The following SNTG1 variants were observed in gnomAD, a reference collection of about 807,000 sequenced individuals.
SNTG1 encodes gamma-1-syntrophin.
In SNTG1, 39 loss-of-function variants were observed where a neutral mutation model predicts 74.7. The ratio of observed to expected loss-of-function variants is 0.52; its 90% CI spans 0.40 to 0.68. The LOEUF is 0.68. Among genes scored for constraint, SNTG1 ranks in the 30% least tolerant of loss-of-function variants. The pLI, the probability that SNTG1 is intolerant of heterozygous loss-of-function variation, is 0.00. For synonymous variants in SNTG1, 254 were observed against 217.1 expected (o/e 1.17, Z -1.49); for missense variants, 685 against 609.5 (o/e 1.12, Z -1.30).
Position 50,323,073 on chromosome 8 carries a change from A to C in SNTG1, c.-27-71139A>C, listed in dbSNP as rs898164719. ...GGAGGTTGCAAGATTGCACCACTGC[A>C]CTCCAGCCTGGGCAACAGAGCAAGA... On this transcript the variant is annotated intron_variant, in intron 2 of 18. Transcript: ENST00000642720. Among the ~76,000 whole-genome samples, 5 of 148,628 alleles carry C rather than the reference A, an allele frequency of 3.4e-5. No individual in the cohort carries two copies. The East Asian group carries it at 8.1e-4, about 24-fold the overall frequency.
intron 5 of SNTG1, among the ~76,000 whole-genome samples, chr8:50,447,959 C>T (rs1347624096): frequency 6.6e-6 from 1 of 152,204 alleles, no homozygotes; most frequent in East Asian, 1.9e-4. Flanking sequence ...GCATAATAGC[C>T]TTCCTTTATT....
intron 8 of SNTG1, among the ~76,000 whole-genome samples, chr8:50,457,707 C>A (rs544595814): frequency 6.6e-6 from 1 of 152,134 alleles, no homozygotes; most frequent in Non-Finnish European, 1.5e-5. Flanking sequence ...GCCAAAGCCG[C>A]CATCCAGCAA....
At chr8:50,083,018 C>T (rs1017578153) in intron 1 of SNTG1, among the ~76,000 whole-genome samples, 1 of 152,128 alleles carries the variant, frequency 6.6e-6, no homozygotes, top group Non-Finnish European at 1.5e-5. Flanking sequence ...GAAGTGAGTC[C>T]TTTCTGACAA....
At chr8:49,918,891 A>G (rs1351552113) in intron 1 of SNTG1, among the ~76,000 whole-genome samples, 1 of 152,190 alleles carries the variant, frequency 6.6e-6, no homozygotes, top group Non-Finnish European at 1.5e-5. Context: ...CTTAATCCAA[A>G]TAAGCAACTA....
chr8:50,751,977 C>T, intron 17 of SNTG1, 24 bp from the exon 18 acceptor site: 1 of 1,358,636 alleles, frequency 7.4e-7, no homozygotes, highest in African/African-American at 2.1e-5. Context: ...CACCGACTTA[C>T]ATTGTTTTTT....
intron 1 of SNTG1, among the ~76,000 whole-genome samples, chr8:49,980,758 A>G (rs1563426501): frequency 6.6e-6 from 1 of 152,094 alleles, no homozygotes; most frequent in Non-Finnish European, 1.5e-5. Context: ...GTTTTTACTG[A>G]AAAAGTAAAA....
intron 1 of SNTG1, among the ~76,000 whole-genome samples, chr8:50,064,066 G>T (rs896054665): frequency 6.6e-6 from 1 of 152,140 alleles, no homozygotes. Flanking sequence ...GGTGACAATC[G>T]TGGTACCAGC....
At chr8:49,997,468 T>C (rs1440949039) in intron 1 of SNTG1, among the ~76,000 whole-genome samples, 1 of 152,130 alleles carries the variant, frequency 6.6e-6, no homozygotes, top group African/African-American at 2.4e-5. Context: ...ACTTCCTGTA[T>C]CTAAATCCTT....
chr8:50,027,143 A>G (rs1488424139), intron 1 of SNTG1, among the ~76,000 whole-genome samples: 1 of 152,146 alleles, frequency 6.6e-6, no homozygotes, highest in East Asian at 1.9e-4. Flanking sequence ...AACAAGCAAA[A>G]GTGGGGGTGA....
intron 18 of SNTG1, among the ~76,000 whole-genome samples, chr8:50,785,224 C>T (rs1227590614): frequency 1.3e-5 from 2 of 151,468 alleles, no homozygotes; most frequent in Non-Finnish European, 3.0e-5. Flanking sequence ...AATACATAAA[C>T]AATTGAGAAA....
At chr8:50,026,143 C>T (rs911050394) in intron 1 of SNTG1, among the ~76,000 whole-genome samples, 29 of 152,144 alleles carry the variant, frequency 1.9e-4, no homozygotes, top group African/African-American at 4.8e-4. Context: ...TCAATCAACA[C>T]GCATTCTGTT....
chr8:50,158,834 A>C (rs1179242534), intron 1 of SNTG1, among the ~76,000 whole-genome samples: 1 of 152,164 alleles, frequency 6.6e-6, no homozygotes, highest in South Asian at 2.1e-4. Flanking sequence ...TTTTAAGGGT[A>C]TATATCTGGT....
At chr8:50,282,414 C>T (rs925741690) in intron 2 of SNTG1, among the ~76,000 whole-genome samples, 1 of 151,900 alleles carries the variant, frequency 6.6e-6, no homozygotes, top group Non-Finnish European at 1.5e-5. Context: ...TTTCTTCTTT[C>T]TTTAACTCTT....
At chr8:50,081,452 A>G (rs1223596289) in intron 1 of SNTG1, among the ~76,000 whole-genome samples, 2 of 151,982 alleles carry the variant, frequency 1.3e-5, no homozygotes, top group African/African-American at 4.8e-5. Context: ...ATAGGTTAAA[A>G]TTTTCCATAA....
Position 50,425,708 on chromosome 8 carries a change from A to G in SNTG1, c.163-12835A>G, listed in dbSNP as rs536291142. On this transcript the variant is annotated intron_variant, in intron 4 of 18. Coordinates refer to ENST00000642720, the MANE Select transcript of SNTG1 (RefSeq NM_018967.5). ...AGGTTAGGGACTGCTATTTTAACAT[A>G]CATACCTTACTTTGATACAGATAAA... Among the ~76,000 whole-genome samples, 7 of 152,316 alleles carry G rather than the reference A, an allele frequency of 4.6e-5. No homozygotes were observed. The South Asian group carries it at 1.0e-3, about 23-fold the overall frequency.
At chr8:50,485,119 G>T (rs945604676) in intron 8 of SNTG1, among the ~76,000 whole-genome samples, 5 of 152,132 alleles carry the variant, frequency 3.3e-5, no homozygotes, top group African/African-American at 1.2e-4. Context: ...TTGCTCATTT[G>T]AGGAAGTCAT....
At chr8:50,136,450 G>A (rs1364218621) in intron 1 of SNTG1, among the ~76,000 whole-genome samples, 1 of 152,110 alleles carries the variant, frequency 6.6e-6, no homozygotes, top group Non-Finnish European at 1.5e-5. Flanking sequence ...TAGCCATTCT[G>A]ACTGGTGTGA....
chr8:50,752,802 T>C (rs1299068114), intron 18 of SNTG1, among the ~76,000 whole-genome samples: 1 of 152,018 alleles, frequency 6.6e-6, no homozygotes, highest in Admixed American at 6.6e-5. Context: ...CAAAGTATCC[T>C]GTAACACTGC....
At chr8:50,191,103 G>A (rs913832861) in intron 2 of SNTG1, among the ~76,000 whole-genome samples, 11 of 151,876 alleles carry the variant, frequency 7.2e-5, no homozygotes, top group South Asian at 2.1e-4. Context: ...TCATACTTAC[G>A]TAGCCTTCTG....
Sources: allele counts gnomAD v4.1 joint callset (sites outside exome capture counted in the v4.1 genomes callset), GRCh38; gene constraint gnomAD v4.1.1; transcripts MANE v1.5; gene names NCBI Gene and HGNC (gene_info 2026-07-23, HGNC 2026-07-21).